Variants in COL4A1 observed in about 807,000 individuals in gnomAD.
COL4A1 encodes the protein collagen alpha-1(IV) chain.
COL4A1 carries 40 observed loss-of-function variants against 216.6 expected under a neutral mutation model. The observed-to-expected ratio is 0.18, with a 90% CI of 0.14 to 0.24. COL4A1 has a LOEUF of 0.24. Among genes scored for constraint, COL4A1 ranks in the 10% least tolerant of loss-of-function variants. The probability of loss-of-function intolerance (pLI) is 1.00; values close to 1 mark genes in which losing one functional copy is unlikely to be tolerated. For synonymous variants in COL4A1, 839 were observed against 810.7 expected, an observed-to-expected ratio of 1.03 and a Z score of -0.59; for missense variants, 1,628 against 2,196.8, an observed-to-expected ratio of 0.74 and a Z score of 5.18.
intron 9 of COL4A1, 40 bp downstream of exon 9, chr13:110,210,089 T>C (rs777023059): frequency 6.2e-7 from 1 of 1,612,748 alleles, no homozygotes; most frequent in Admixed American, 1.7e-5. Context: ...ACTGGGAGGG[T>C]GAGGTGGCAC....
chr13:110,215,470 A>G (rs1880023380), intron 2 of COL4A1, among the ~76,000 whole-genome samples: 1 of 151,060 alleles, frequency 6.6e-6, no homozygotes, highest in African/African-American at 2.4e-5. Context: ...CTGAGGCTGG[A>G]GAGTCACTTG....
intron 43 of COL4A1, 57 bp downstream of exon 43, chr13:110,169,562 CACATATGAAT>C: frequency 1.9e-6 from 3 of 1,606,832 alleles, no homozygotes; most frequent in Non-Finnish European, 2.5e-6. Context: ...CACACATAGA[CACATATGAAT>C]ACTTCTGGCC....
chr13:110,210,307 C>G, intron 8 of COL4A1, 95 bp from the exon 9 acceptor site: 2 of 1,159,030 alleles, frequency 1.7e-6, no homozygotes, highest in Non-Finnish European at 2.5e-6. Context: ...ATTAGTGTTA[C>G]AGGACTAGCC....
intron 30 of COL4A1, 74 bp downstream of exon 30, chr13:110,179,197 G>A (rs1431723548): frequency 6.3e-7 from 1 of 1,592,246 alleles, no homozygotes; most frequent in African/African-American, 1.3e-5. Context: ...AATATACTCG[G>A]TAGGGGCTCT....
At chr13:110,177,090 C>A in intron 33 of COL4A1, 53 bp from the exon 34 acceptor site, 1 of 1,607,222 alleles carries the variant, frequency 6.2e-7, no homozygotes, top group South Asian at 1.1e-5. Flanking sequence ...CACAGAGGTG[C>A]TCAAAAGGCT....
chr13:110,173,699 G>A (rs1011979685), intron 40 of COL4A1, among the ~76,000 whole-genome samples: 1 of 152,056 alleles, frequency 6.6e-6, no homozygotes, highest in African/African-American at 2.4e-5. Context: ...GTATTTATGG[G>A]ATAATAAATA....
At chr13:110,237,640 C>T (rs1467348067) in intron 2 of COL4A1, among the ~76,000 whole-genome samples, 2 of 152,232 alleles carry the variant, frequency 1.3e-5, no homozygotes, top group Admixed American at 1.3e-4. Context: ...ACATACTCGG[C>T]CCCAGGCCTG....
At position 110,222,771 on chromosome 13, in the gene COL4A1, T is replaced by TAAAAA. The variant is rs751501177; in HGVS notation, c.145-8757_145-8756insTTTTT. Among the ~76,000 whole-genome samples, 45 of 93,406 alleles carry TAAAAA rather than the reference T, an allele frequency of 4.8e-4. 9 individuals carry two copies. Among genetic ancestry groups the TAAAAA allele is most frequent in the Admixed American group, 1.7e-3 (13 of 7,836 alleles). 61.3% of individuals were successfully genotyped at this position (93,406 alleles called of 152,430 possible). A position where few individuals can be genotyped will look rare whatever the true frequency, so the allele number is the denominator to read the frequency against. On this transcript the variant is annotated intron_variant, in intron 2 of 51. Transcript: ENST00000375820. ...CTGGGCGACAGAGCCAGACTCTGCTTTAAAAAAAAAAAAAAAAAAAAAAAA... is the reference window on the plus strand; with the variant it reads ...CTGGGCGACAGAGCCAGACTCTGCTTAAAAATAAAAAAAAAAAAAAAAAAAAAAAA...
intron 36 of COL4A1, 110 bp downstream of exon 36, chr13:110,176,314 A>G (rs935432409): frequency 7.7e-6 from 6 of 780,328 alleles, no homozygotes; most frequent in Non-Finnish European, 1.4e-5. Context: ...TGAAAGACAC[A>G]CGTGCCTGGA....
chr13:110,246,573 G>A (rs1881822519), intron 1 of COL4A1, among the ~76,000 whole-genome samples: 1 of 152,178 alleles, frequency 6.6e-6, no homozygotes, highest in South Asian at 2.1e-4. Flanking sequence ...CATTTCCTGA[G>A]GAAATACACC....
At chr13:110,289,664 G>A (rs539341017) in intron 1 of COL4A1, among the ~76,000 whole-genome samples, 3 of 152,302 alleles carry the variant, frequency 2.0e-5, no homozygotes, top group Admixed American at 6.5e-5. Context: ...TGCAAATTAC[G>A]CTATCTGTAT....
At position 110,214,108 on chromosome 13, in the gene COL4A1, T is replaced by C. The variant is rs1405597851; in HGVS notation, c.145-93A>G. The C allele has an allele frequency of 3.2e-5, 33 of 1,037,154 alleles. No individual in the cohort carries two copies. In the Admixed American group the frequency reaches 5.3e-4, roughly 17 times the overall value. 64.2% of individuals were successfully genotyped at this position (1,037,154 alleles called of 1,614,324 possible). A position where few individuals can be genotyped will look rare whatever the true frequency, so the allele number is the denominator to read the frequency against. On this transcript the variant is annotated intron_variant, in intron 2 of 51. Transcript: ENST00000375820. ...ACTGTGATGGCTATATATATATTTTTTTTGAGATGGAGTCTCATTCTGTTG... is the reference window on the plus strand; with the variant it reads ...ACTGTGATGGCTATATATATATTTTCTTTGAGATGGAGTCTCATTCTGTTG...
chr13:110,166,140 G>GA (rs144696829), intron 45 of COL4A1, 92 bp downstream of exon 45: 3 of 824,064 alleles, frequency 3.6e-6, no homozygotes, highest in Non-Finnish European at 6.5e-6. Flanking sequence ...TTTCACATAT[G>GA]AAAAACCAAA....
chr13:110,273,147 T>A (rs1883304266), intron 1 of COL4A1, among the ~76,000 whole-genome samples: 1 of 152,246 alleles, frequency 6.6e-6, no homozygotes. Flanking sequence ...TACTGGGCCT[T>A]TGGGGCATTA....
At position 110,211,590 on chromosome 13, in the gene COL4A1, T is replaced by C; in HGVS notation, c.468+57A>G. The C allele has an allele frequency of 6.5e-7, 1 of 1,544,684 alleles. No individual in the cohort carries two copies. The highest frequency in any genetic ancestry group is 8.8e-7 in the Non-Finnish European group (1 of 1,130,330). Reference sequence around the variant, plus strand: ...AAAGAGAATGTGCTTCTATGGCACTTGTTGTAAACAGATTCCCTGTAATGA... The same window carrying C: ...AAAGAGAATGTGCTTCTATGGCACTCGTTGTAAACAGATTCCCTGTAATGA... On this transcript the variant is annotated intron_variant, in intron 8 of 51. Coordinates refer to ENST00000375820, the MANE Select transcript of COL4A1 (RefSeq NM_001845.6). The surrounding 1 kb of genome is among the most constrained non-coding windows in gnomAD (Gnocchi z 4.3).
chr13:110,241,378 T>C (rs1036075930), intron 2 of COL4A1, among the ~76,000 whole-genome samples: 3 of 152,212 alleles, frequency 2.0e-5, no homozygotes, highest in Admixed American at 6.5e-5. Flanking sequence ...GAGGTAATCA[T>C]GATCCAGGCC....
At chr13:110,201,868 G>T (rs560953213) in intron 18 of COL4A1, among the ~76,000 whole-genome samples, 1 of 152,292 alleles carries the variant, frequency 6.6e-6, no homozygotes, top group South Asian at 2.1e-4. Flanking sequence ...TGTAATCCCA[G>T]CTACTTGGGA....
chr13:110,178,363 C>T lies in COL4A1; in HGVS notation c.2459-132G>A, dbSNP rs1275206371. The T allele has an allele frequency of 2.8e-6, 3 of 1,085,406 alleles. No homozygotes were observed. The Admixed American group carries it at 5.9e-5, about 21-fold the overall frequency. The allele number at this position is 1,085,406 out of a possible 1,614,324, so 67.2% of individuals were successfully genotyped here. A position where few individuals can be genotyped will look rare whatever the true frequency, so the allele number is the denominator to read the frequency against. On this transcript the variant is annotated intron_variant, in intron 31 of 51. Transcript: ENST00000375820. Reference sequence around the variant, plus strand: ...GCCCACACTGGGAACTTGAATGGATCATCTGTTAGGTGTTGGTGTTTGGGG... The same window carrying T: ...GCCCACACTGGGAACTTGAATGGATTATCTGTTAGGTGTTGGTGTTTGGGG...
chr13:110,174,258 T>C (rs1877774602), intron 39 of COL4A1, among the ~76,000 whole-genome samples, 188 bp downstream of exon 39: 1 of 152,170 alleles, frequency 6.6e-6, no homozygotes. Flanking sequence ...AGGTCCTAGA[T>C]CCTGCTAGTG....
Sources: gnomAD v4.1 joint callset for allele counts (sites outside exome capture counted in the v4.1 genomes callset) on GRCh38, gnomAD v4.1.1 for gene constraint, Gnocchi (gnomAD v3.1) non-coding constraint, MANE v1.5 for transcripts, NCBI Gene and HGNC (gene_info 2026-07-23, HGNC 2026-07-21) for gene names.